The following GUF1 variants were observed in gnomAD, a reference collection of about 807,000 sequenced individuals.
GUF1 encodes translation factor GUF1, mitochondrial.
A neutral mutation model predicts 82.4 loss-of-function variants in GUF1; 78 were observed. The observed-to-expected ratio is 0.95, with a 90% CI of 0.79 to 1.14. The LOEUF (loss-of-function observed/expected upper bound fraction) is 1.14, where lower values mean the gene tolerates loss of function less well. GUF1 is among the 50% of genes most tolerant of loss of function. The pLI is 0.00. For missense variants in GUF1, 814 were observed against 798.2 expected (o/e 1.02, Z -0.24); for synonymous variants, 279 against 282.3 (o/e 0.99, Z 0.12).
chr4:44,683,512 G>A (rs951511941), intron 6 of GUF1, among the ~76,000 whole-genome samples, 194 bp downstream of exon 6: 3 of 151,910 alleles, frequency 2.0e-5, no homozygotes, highest in African/African-American at 4.8e-5. Context: ...AAATTATTGC[G>A]ATGCTGTAGT....
chr4:44,679,298 G>A (rs1465260978), intron 1 of GUF1, among the ~76,000 whole-genome samples: 1 of 152,186 alleles, frequency 6.6e-6, no homozygotes, highest in African/African-American at 2.4e-5. Context: ...AATGCAGGAA[G>A]TTCTCGGTCT....
chr4:44,680,951 T>C, intron 3 of GUF1, 109 bp downstream of exon 3: 9 of 1,171,372 alleles, frequency 7.7e-6, no homozygotes, highest in Non-Finnish European at 1.1e-5. Context: ...CTGCCTTTGC[T>C]TTTTGTTTTC....
intron 6 of GUF1, among the ~76,000 whole-genome samples, chr4:44,685,706 G>A (rs886129598): frequency 2.0e-5 from 3 of 151,950 alleles, no homozygotes; most frequent in African/African-American, 7.2e-5. Context: ...CCCAGATTTC[G>A]AACTATTCCT....
chr4:44,678,670 G>T lies in GUF1; in HGVS notation c.48G>T (p.Ala16=). 6.7e-7 allele frequency: 1 copy of T among 1,491,212 alleles called. No individual in the cohort carries two copies. The highest frequency in any genetic ancestry group is 8.8e-7 in the Non-Finnish European group (1 of 1,134,738). The allele number at this position is 1,491,212 out of a possible 1,614,324, so 92.4% of individuals were successfully genotyped here. Residue 16 remains alanine (A), a synonymous_variant, in exon 1 of 17, where the codon GCG becomes GCT. Transcript: ENST00000281543. ...GRGWGCARAL[A]PRATGAALLV... ...GCTGGGGGTGCGCACGCGCTCTCGC[G>T]CCACGAGCCACTGGGGCCGCGCTTC...
Position 44,690,736 on chromosome 4 carries a change from T to C in GUF1, c.1355T>C (p.Ile452Thr), listed in dbSNP as rs1221959391. Residue 452 changes from isoleucine to threonine, a missense_variant, in exon 12 of 17, where the codon ATT becomes ACT. Physicochemically the swap from Ile to Thr is moderately conservative, Grantham distance 89 (BLOSUM62 -1). Coordinates refer to ENST00000281543, the MANE Select transcript of GUF1 (RefSeq NM_021927.3). ...KLIKEHREKE[I>T]TIINPAQFPD... Reference sequence around the variant, plus strand: ...TTTTAGGAACATAGAGAAAAAGAAATTACAATTATCAATCCTGCACAATTC... The same window carrying C: ...TTTTAGGAACATAGAGAAAAAGAAACTACAATTATCAATCCTGCACAATTC... The C allele has an allele frequency of 4.5e-6, 7 of 1,567,166 alleles. No individual in the cohort carries two copies. The African/African-American group carries it at 9.5e-5, about 21-fold the overall frequency.
intron 9 of GUF1, 57 bp downstream of exon 9, chr4:44,688,203 T>C: frequency 2.0e-6 from 3 of 1,531,990 alleles, no homozygotes; most frequent in Non-Finnish European, 2.6e-6. Context: ...ACTAAAAGTC[T>C]GTCTCAGTGG....
rs1577759519 is a variant in GUF1 at position 44,678,775 on chromosome 4, C to T, written c.153C>T (p.Ser51=). 1.9e-6 allele frequency: 3 copies of T among 1,552,940 alleles called. No homozygotes were observed. Among genetic ancestry groups the T allele is most frequent in the Non-Finnish European group, 1.7e-6 (2 of 1,156,592 alleles). The change falls in exon 1 of 17, where the codon TCC becomes TCT. Residue 51 remains serine, a synonymous_variant. Transcript: ENST00000281543. ...GGGCTACCGACAGGCTCTACAGCTC[C>T]GCAGAATTCAAGGTGACTGCCCCCT... is the stretch of plus-strand genomic sequence containing the variant. The part of the protein sequence containing the change: ...ESWATDRLYS[S]AEFKEKLDMS...
intron 16 of GUF1, among the ~76,000 whole-genome samples, chr4:44,697,894 C>T (rs1046056705): frequency 6.6e-6 from 1 of 152,084 alleles, no homozygotes; most frequent in African/African-American, 2.4e-5. Flanking sequence ...ACTGTAATCC[C>T]AGCACCTTGG....
chr4:44,692,872 G>A (rs1715535526), intron 13 of GUF1, among the ~76,000 whole-genome samples: 1 of 151,780 alleles, frequency 6.6e-6, no homozygotes. Flanking sequence ...AAGATTAGTA[G>A]GTTTAATGTT....
chr4:44,698,733 G>C lies in GUF1; in HGVS notation c.*52G>C. On this transcript the variant is annotated 3_prime_UTR_variant, in exon 17 of 17. Transcript: ENST00000281543. ...TGCAATTTGTAATATGCTGACAACA[G>C]AAAGAAAATTATAAAATTTGCTTGT... is the stretch of plus-strand genomic sequence containing the variant. 1 of 1,489,688 alleles carries C rather than the reference G, an allele frequency of 6.7e-7. No homozygotes were observed. Among genetic ancestry groups the C allele is most frequent in the African/African-American group, 1.4e-5 (1 of 70,588 alleles). The allele number at this position is 1,489,688 out of a possible 1,614,324, so 92.3% of individuals were successfully genotyped here. A position where few individuals can be genotyped will look rare whatever the true frequency, so the allele number is the denominator to read the frequency against.
Position 44,692,601 on chromosome 4 carries a change from C to G in GUF1, c.1613+802C>G, listed in dbSNP as rs548728293. 2.0e-5 allele frequency among the ~76,000 whole-genome samples: 3 copies of G among 152,004 alleles called. No homozygotes were observed. The South Asian group carries it at 6.2e-4, about 32-fold the overall frequency. On this transcript the variant is annotated intron_variant, in intron 13 of 16. Transcript: ENST00000281543. ...TAATGTTAACATGCAGAGACAAATT[C>G]CAGTGTTTAACAAACATGCTACAGT... is the stretch of plus-strand genomic sequence containing the variant.
At chr4:44,687,107 T>G (rs573054641) in intron 8 of GUF1, among the ~76,000 whole-genome samples, 1 of 152,122 alleles carries the variant, frequency 6.6e-6, no homozygotes, top group South Asian at 2.1e-4. Context: ...TAGTGTGGAA[T>G]TCATGGTAAA....
In GUF1 at chr4:44,698,932, T is replaced by TA. The variant is rs1217930110; in HGVS notation, c.*255dup. On this transcript the variant is annotated 3_prime_UTR_variant, in exon 17 of 17. Coordinates refer to ENST00000281543, the MANE Select transcript of GUF1 (RefSeq NM_021927.3). The stretch of plus-strand genomic sequence containing the variant: ...AGATTAACCTTTGTTTCCTCTTCAG[T>TA]AAAATCGAGATTATACTACTACCTA... 7 of 358,040 alleles carry TA rather than the reference T, an allele frequency of 2.0e-5. No homozygotes were observed. The Admixed American group carries it at 3.2e-4, about 16-fold the overall frequency. The allele number at this position is 358,040 out of a possible 1,614,324, so 22.2% of individuals were successfully genotyped here. A position where few individuals can be genotyped will look rare whatever the true frequency, so the allele number is the denominator to read the frequency against.
intron 4 of GUF1, 103 bp from the exon 5 acceptor site, chr4:44,682,231 C>T (rs1018401207): frequency 3.9e-5 from 21 of 538,116 alleles, no homozygotes; most frequent in South Asian, 3.2e-4. Context: ...ATTAGCATAA[C>T]GCAAAATCTC....
rs754078916 is a variant in GUF1 at position 44,691,736 on chromosome 4, C to T, written c.1550C>T (p.Pro517Leu). 9 of 1,581,180 alleles carry T rather than the reference C, an allele frequency of 5.7e-6. No homozygotes were observed. The highest frequency in any genetic ancestry group is 1.1e-5 in the South Asian group (1 of 89,232). Residue 517 changes from proline to leucine, a missense_variant, in exon 13 of 17, where the codon CCT becomes CTT. Physicochemically the swap from Pro to Leu is moderately conservative, Grantham distance 98 (BLOSUM62 -3). Coordinates refer to ENST00000281543, the MANE Select transcript of GUF1 (RefSeq NM_021927.3). ...QNRVMLKYLF[P>L]LNEIVVDFYD... ...AGAGTTATGCTTAAATATCTCTTTC[C>T]TTTGAATGAAATTGTGGTAGATTTT...
At chr4:44,694,343 G>C in intron 13 of GUF1, 69 bp from the exon 14 acceptor site, 2 of 887,106 alleles carry the variant, frequency 2.3e-6, no homozygotes, top group Non-Finnish European at 3.8e-6. Context: ...ATTTAGTAAA[G>C]AGTAAAGAGT....
chr4:44,681,121 A>G lies in GUF1; in HGVS notation c.427-2A>G. ...ACAGGTATCAATATTTTTGTTTCTC[A>G]GGGCCATGTTGATTTTAGTTATGAA... On this transcript the variant is annotated splice_acceptor_variant, in intron 3 of 16. Coordinates refer to ENST00000281543, the MANE Select transcript of GUF1 (RefSeq NM_021927.3). LOFTEE classifies it high-confidence loss of function. 1.9e-6 allele frequency: 3 copies of G among 1,611,854 alleles called. No homozygotes were observed. The highest frequency in any genetic ancestry group is 2.5e-6 in the Non-Finnish European group (3 of 1,178,366).
intron 8 of GUF1, 129 bp from the exon 9 acceptor site, chr4:44,687,878 C>T (rs1254279179): frequency 5.6e-6 from 4 of 712,716 alleles, no homozygotes; most frequent in Non-Finnish European, 6.8e-6. Context: ...TGATATGTAG[C>T]ACTTATTTTC....
intron 7 of GUF1, 79 bp downstream of exon 7, chr4:44,686,102 TGTC>T (rs1715032230): frequency 1.1e-6 from 1 of 948,828 alleles, no homozygotes; most frequent in Non-Finnish European, 1.7e-6. Context: ...GTTCAAAGAC[TGTC>T]AGCTTGAACT....
Sources: allele counts gnomAD v4.1 joint callset (sites outside exome capture counted in the v4.1 genomes callset), GRCh38; gene constraint gnomAD v4.1.1; transcripts MANE v1.5; gene names NCBI Gene and HGNC (gene_info 2026-07-23, HGNC 2026-07-21).